TMC2: variants seen among roughly 807,000 people sequenced by gnomAD.
TMC2 encodes the protein transmembrane channel like 2, also known as transmembrane channel-like protein 2.
TMC2 carries 102 observed loss-of-function variants against 105.9 expected under a neutral mutation model. That is an observed-to-expected ratio of 0.96 (90% confidence interval 0.82 to 1.14). The LOEUF (loss-of-function observed/expected upper bound fraction) is 1.14, where lower values mean the gene tolerates loss of function less well. Ranked by LOEUF, TMC2 falls within the 50% of genes most tolerant of loss-of-function variation. The probability of loss-of-function intolerance (pLI) is 0.00; values close to 1 mark genes in which losing one functional copy is unlikely to be tolerated. For synonymous variants in TMC2, 402 were observed against 422.8 expected, an observed-to-expected ratio of 0.95 and a Z score of 0.60; for missense variants, 1,093 against 1,134.3, an observed-to-expected ratio of 0.96 and a Z score of 0.52.
At chr20:2,599,539 A>ATTTTCTTTTTT (rs1439640342) in intron 10 of TMC2, among the ~76,000 whole-genome samples, 1 of 85,514 alleles carries the variant, frequency 1.2e-5, no homozygotes, top group African/African-American at 4.9e-5. Flanking sequence ...CTTTAATTAC[A>ATTTTCTTTTTT]TTTTTTTTTT....
intron 11 of TMC2, among the ~76,000 whole-genome samples, chr20:2,606,474 G>T (rs1397339031): frequency 6.6e-6 from 1 of 152,096 alleles, no homozygotes; most frequent in East Asian, 1.9e-4. Context: ...TGGCCAGGCT[G>T]GTCTCAAACT....
chr20:2,583,620 GCC>G (rs2086210964), intron 7 of TMC2, among the ~76,000 whole-genome samples: 1 of 152,026 alleles, frequency 6.6e-6, no homozygotes, highest in Non-Finnish European at 1.5e-5. Context: ...GTGCCGCCAC[GCC>G]CTGCTAATTT....
intron 3 of TMC2, 92 bp from the exon 4 acceptor site, chr20:2,561,766 C>A (rs1311819673): frequency 2.8e-6 from 4 of 1,451,536 alleles, no homozygotes; most frequent in African/African-American, 1.4e-5. Context: ...GAAGGGGTGC[C>A]ATCTTCCATG....
At chr20:2,627,109 C>T (rs777858679) in intron 17 of TMC2, among the ~76,000 whole-genome samples, 1 of 152,120 alleles carries the variant, frequency 6.6e-6, no homozygotes, top group Non-Finnish European at 1.5e-5. Flanking sequence ...TTCTGGGTGC[C>T]GACATAGTTG....
chr20:2,558,817 C>T lies in TMC2; in HGVS notation c.401+43C>T. The stretch of plus-strand genomic sequence containing the variant: ...TTCTGGGCATTCGCTCCGCGCGCTC[C>T]CGCTCCTTCGCGGCCCTTCCCCTTC... On this transcript the variant is annotated intron_variant, in intron 3 of 19. Transcript: ENST00000358864. This position sits in a 1 kb window ranked among gnomAD's most constrained non-coding sequence, Gnocchi z 4.6. 1 of 1,487,022 alleles carries T rather than the reference C, an allele frequency of 6.7e-7. No homozygotes were observed. The highest frequency in any genetic ancestry group is 8.9e-7 in the Non-Finnish European group (1 of 1,118,180). 92.1% of individuals were successfully genotyped at this position (1,487,022 alleles called of 1,614,324 possible).
At chr20:2,580,927 G>A (rs906893030) in intron 7 of TMC2, among the ~76,000 whole-genome samples, 5 of 152,216 alleles carry the variant, frequency 3.3e-5, no homozygotes, top group Admixed American at 2.0e-4. Context: ...GGCTCACTAA[G>A]CACTGAGCAC....
At chr20:2,568,540 C>A (rs914574142) in intron 4 of TMC2, among the ~76,000 whole-genome samples, 1 of 152,138 alleles carries the variant, frequency 6.6e-6, no homozygotes, top group African/African-American at 2.4e-5. Flanking sequence ...ATGACTCAGG[C>A]GCAAGAGCTG....
In TMC2 at chr20:2,536,666, G is replaced by A. The variant is rs757400502; in HGVS notation, c.34+11G>A. On this transcript the variant is annotated intron_variant, in intron 1 of 19. Transcript: ENST00000358864. ...GCCTGAAAGAGGAAGGTGAGTCCAC[G>A]TCCTGATCCTGCGGGGCCCGCCCAC... 3.8e-6 allele frequency: 6 copies of A among 1,571,118 alleles called. No homozygotes were observed. The highest frequency in any genetic ancestry group is 2.7e-5 in the African/African-American group (2 of 74,328).
chr20:2,595,947 C>T (rs149230758), intron 9 of TMC2, among the ~76,000 whole-genome samples: 1 of 152,338 alleles, frequency 6.6e-6, no homozygotes, highest in Non-Finnish European at 1.5e-5. Flanking sequence ...GACTGCACAG[C>T]CCTATCAGGC....
intron 2 of TMC2, among the ~76,000 whole-genome samples, chr20:2,546,631 G>A (rs938583640): frequency 3.3e-5 from 5 of 152,036 alleles, no homozygotes; most frequent in Non-Finnish European, 7.4e-5. Context: ...TTGAGTTGAA[G>A]GACATGATCA....
rs770955928 is a variant in TMC2 at position 2,536,612 on chromosome 20, GC to G, written c.-9del. 3.3e-5 allele frequency: 52 copies of G among 1,570,072 alleles called. No individual in the cohort carries two copies. The South Asian group carries it at 6.1e-4, about 18-fold the overall frequency. On this transcript the variant is annotated 5_prime_UTR_variant, in exon 1 of 20. Transcript: ENST00000358864. The stretch of plus-strand genomic sequence containing the variant: ...TGAGCCTGTGCAGGACCCCAGCAGT[GC>G]TGCTGACCATGAGCCACCAGGTAAA...
At chr20:2,566,222 A>G (rs1172582099) in intron 4 of TMC2, among the ~76,000 whole-genome samples, 1 of 152,234 alleles carries the variant, frequency 6.6e-6, no homozygotes, top group Non-Finnish European at 1.5e-5. Context: ...AATGGGAATA[A>G]TAACATCTAC....
intron 4 of TMC2, among the ~76,000 whole-genome samples, chr20:2,566,232 C>T (rs1389764140): frequency 1.3e-5 from 2 of 152,180 alleles, no homozygotes; most frequent in Non-Finnish European, 2.9e-5. Flanking sequence ...ATAACATCTA[C>T]CTCACAGGGT....
chr20:2,610,930 G>T (rs1035973041), intron 12 of TMC2, among the ~76,000 whole-genome samples: 2 of 152,088 alleles, frequency 1.3e-5, no homozygotes, highest in Non-Finnish European at 2.9e-5. Flanking sequence ...TCCTCTAAGG[G>T]GCTATGTCAT....
chr20:2,629,668 T>G (rs1469710759), intron 17 of TMC2, among the ~76,000 whole-genome samples: 2 of 152,180 alleles, frequency 1.3e-5, no homozygotes, highest in African/African-American at 4.8e-5. Context: ...GGGGCACATT[T>G]GACAAACAGA....
At chr20:2,567,655 G>A (rs1380233380) in intron 4 of TMC2, among the ~76,000 whole-genome samples, 2 of 151,872 alleles carry the variant, frequency 1.3e-5, no homozygotes, top group African/African-American at 4.8e-5. Context: ...CCTCAGCCTC[G>A]CAAGACACTG....
At position 2,610,427 on chromosome 20, in the gene TMC2, C is replaced by T. The variant is rs2086427135; in HGVS notation, c.1422C>T (p.Ile474=). ...VSWYERNEVE[I]VMSLLGMFCP... ...CTTTCCTGATTCCTCAGGTAGAGAT[C>T]GTGATGTCCCTGCTTGGAATGTTTT... Residue 474 remains isoleucine (I), a synonymous_variant, in exon 12 of 20, where the codon ATC becomes ATT. Transcript: ENST00000358864. The T allele has an allele frequency of 1.2e-6, 2 of 1,611,314 alleles. No individual in the cohort carries two copies. Among genetic ancestry groups the T allele is most frequent in the East Asian group, 2.2e-5 (1 of 44,668 alleles).
Position 2,610,435 on chromosome 20 carries a change from C to G in TMC2, c.1430C>G (p.Ser477Cys), listed in dbSNP as rs1187466120. The G allele has an allele frequency of 1.2e-6, 2 of 1,611,924 alleles. No homozygotes were observed. The highest frequency in any genetic ancestry group is 1.1e-5 in the South Asian group (1 of 90,778). The change falls in exon 12 of 20, where the codon TCC (serine) becomes TGC (cysteine). Residue 477 changes from serine to cysteine, a missense_variant. Transcript: ENST00000358864. ...ATTCCTCAGGTAGAGATCGTGATGTCCCTGCTTGGAATGTTTTGTCCCCCT... is the reference window on the plus strand; with the variant it reads ...ATTCCTCAGGTAGAGATCGTGATGTGCCTGCTTGGAATGTTTTGTCCCCCT... ...YERNEVEIVM[S>C]LLGMFCPPLF...
intron 17 of TMC2, among the ~76,000 whole-genome samples, chr20:2,633,073 G>A (rs1283835478): frequency 2.6e-5 from 4 of 152,138 alleles, no homozygotes; most frequent in African/African-American, 7.2e-5. Context: ...TCTTTGTTGT[G>A]TGTGGCCACT....
Sources: gnomAD v4.1 joint callset for allele counts (sites outside exome capture counted in the v4.1 genomes callset) on GRCh38, gnomAD v4.1.1 for gene constraint, Gnocchi (gnomAD v3.1) non-coding constraint, MANE v1.5 for transcripts, NCBI Gene and HGNC (gene_info 2026-07-23, HGNC 2026-07-21) for gene names.